Variants in STXBP5L observed in about 807,000 individuals in gnomAD.
STXBP5L encodes the protein syntaxin binding protein 5L, also known as syntaxin-binding protein 5-like.
A neutral mutation model predicts 144.5 loss-of-function variants in STXBP5L; 65 were observed. That is an observed-to-expected ratio of 0.45 (90% CI 0.37 to 0.55). The LOEUF (loss-of-function observed/expected upper bound fraction) is 0.55, where lower values mean the gene tolerates loss of function less well. Among genes scored for constraint, STXBP5L ranks in the 20% least tolerant of loss-of-function variants. STXBP5L has a pLI of 0.00. For synonymous variants in STXBP5L, 505 were observed against 469.6 expected (o/e 1.08, Z -0.97); for missense variants, 1,298 against 1,405.5 (o/e 0.92, Z 1.22).
intron 26 of STXBP5L, 55 bp downstream of exon 26, chr3:121,418,612 T>C (rs1434349828): frequency 5.8e-6 from 9 of 1,538,668 alleles, no homozygotes; most frequent in Non-Finnish European, 8.0e-6. Context: ...TTTAAACATT[T>C]AGGATCTGCA....
At chr3:121,289,140 C>G (rs989897997) in intron 19 of STXBP5L, among the ~76,000 whole-genome samples, 1 of 152,140 alleles carries the variant, frequency 6.6e-6, no homozygotes, top group East Asian at 1.9e-4. Context: ...CTCACATAAA[C>G]TTAAGGTAAA....
In STXBP5L at chr3:121,419,124, A is replaced by G; in HGVS notation, c.*27A>G. On this transcript the variant is annotated 3_prime_UTR_variant, in exon 27 of 27. Transcript: ENST00000471454. ...TTCTAAAGAAGCTGTGACTGCTTTGAGAAACCATATTCAGGGAAACCAAAT... is the reference window on the plus strand; with the variant it reads ...TTCTAAAGAAGCTGTGACTGCTTTGGGAAACCATATTCAGGGAAACCAAAT... 6.2e-7 allele frequency: 1 copy of G among 1,606,756 alleles called. No homozygotes were observed. Among genetic ancestry groups the G allele is most frequent in the Non-Finnish European group, 8.5e-7 (1 of 1,176,924 alleles).
chr3:121,180,107 A>G (rs2047084435), intron 9 of STXBP5L, among the ~76,000 whole-genome samples: 1 of 152,208 alleles, frequency 6.6e-6, no homozygotes, highest in African/African-American at 2.4e-5. Context: ...ATTCATCACA[A>G]AAAAGATCAT....
chr3:121,397,622 AT>A (rs1560055338), intron 22 of STXBP5L, among the ~76,000 whole-genome samples: 1 of 151,984 alleles, frequency 6.6e-6, no homozygotes, highest in Non-Finnish European at 1.5e-5. Flanking sequence ...AAGCTTGCAA[AT>A]TTTTTTCTAG....
intron 3 of STXBP5L, among the ~76,000 whole-genome samples, chr3:121,006,913 A>T (rs908698524): frequency 6.6e-6 from 1 of 152,166 alleles, no homozygotes; most frequent in Non-Finnish European, 1.5e-5. Flanking sequence ...TTCTGCTGAG[A>T]GATCACCTGT....
At chr3:121,192,964 T>C (rs1014965881) in intron 9 of STXBP5L, among the ~76,000 whole-genome samples, 1 of 150,468 alleles carries the variant, frequency 6.6e-6, no homozygotes, top group Non-Finnish European at 1.5e-5. Context: ...AAGCCAAAAT[T>C]GACAAATGGG....
At chr3:120,940,690 G>T (rs1456417958) in intron 2 of STXBP5L, among the ~76,000 whole-genome samples, 2 of 151,404 alleles carry the variant, frequency 1.3e-5, no homozygotes, top group Non-Finnish European at 3.0e-5. Context: ...CTACATGAGA[G>T]ATTGTTCTTT....
Position 121,279,914 on chromosome 3 carries a change from C to T in STXBP5L, c.2068C>T (p.Arg690Ter), listed in dbSNP as rs758895320. 2 of 1,612,276 alleles carry T rather than the reference C, an allele frequency of 1.2e-6. No homozygotes were observed. The highest frequency in any genetic ancestry group is 1.7e-6 in the Non-Finnish European group (2 of 1,178,788). ...DLYRSSDLYQ[R>*]QPRSPRKNKQ... ...ATATAGATCAAGTGACTTATACCAGCGACAACCACGGTCTCCTCGAAAAAA... is the reference window on the plus strand; with the variant it reads ...ATATAGATCAAGTGACTTATACCAGTGACAACCACGGTCTCCTCGAAAAAA... The change falls in exon 19 of 27, where the codon CGA (arginine) becomes TGA (stop). Residue 690 changes from arginine (R) to a stop codon, truncating the protein, a stop_gained. Transcript: ENST00000471454. LOFTEE classifies it high-confidence loss of function.
At chr3:121,107,215 C>G (rs559838161) in intron 5 of STXBP5L, among the ~76,000 whole-genome samples, 56 of 151,838 alleles carry the variant, frequency 3.7e-4, no homozygotes, top group Non-Finnish European at 6.9e-4. Context: ...AGCTCTTTAG[C>G]TTAATTAGAT....
At chr3:121,341,550 AAG>A (rs1180900157) in intron 20 of STXBP5L, among the ~76,000 whole-genome samples, 4 of 151,904 alleles carry the variant, frequency 2.6e-5, no homozygotes, top group Non-Finnish European at 5.9e-5. Flanking sequence ...TTGTATATGG[AAG>A]AGATATCTGC....
At chr3:121,370,493 G>A (rs542601623) in intron 20 of STXBP5L, among the ~76,000 whole-genome samples, 2 of 152,322 alleles carry the variant, frequency 1.3e-5, no homozygotes, top group South Asian at 2.1e-4. Context: ...ACAGCCCGAA[G>A]AACCATGAGT....
chr3:121,238,862 A>G, intron 12 of STXBP5L, 109 bp from the exon 13 acceptor site: 1 of 1,132,178 alleles, frequency 8.8e-7, no homozygotes, highest in Non-Finnish European at 1.2e-6. Context: ...TTAAAAAACA[A>G]GCAAAATTTA....
intron 2 of STXBP5L, among the ~76,000 whole-genome samples, chr3:120,927,503 AG>A (rs1158797042): frequency 2.0e-5 from 3 of 152,238 alleles, no homozygotes; most frequent in Non-Finnish European, 4.4e-5. Flanking sequence ...GGGTAGAGAC[AG>A]GGCTCCTGTT....
chr3:121,282,175 T>C (rs1032703311), intron 19 of STXBP5L: 2 of 1,117,620 alleles, frequency 1.8e-6, no homozygotes, highest in South Asian at 1.4e-5. Flanking sequence ...CTGTTCTAGA[T>C]TCTGGTATGA....
At chr3:121,036,003 A>G (rs1023044932) in intron 3 of STXBP5L, among the ~76,000 whole-genome samples, 2 of 152,110 alleles carry the variant, frequency 1.3e-5, no homozygotes, top group Non-Finnish European at 2.9e-5. Flanking sequence ...CTTAATATAT[A>G]ATTGGTCTTT....
At chr3:121,217,335 G>C (rs1183716846) in intron 10 of STXBP5L, among the ~76,000 whole-genome samples, 1 of 152,150 alleles carries the variant, frequency 6.6e-6, no homozygotes, top group Non-Finnish European at 1.5e-5. Flanking sequence ...GAATCTCCTT[G>C]TCTGCGGGTT....
chr3:120,989,944 G>T (rs1237540313), intron 3 of STXBP5L, among the ~76,000 whole-genome samples: 1 of 152,118 alleles, frequency 6.6e-6, no homozygotes, highest in Non-Finnish European at 1.5e-5. Context: ...CATAGTGTTG[G>T]AAGTTCTGGC....
intron 3 of STXBP5L, among the ~76,000 whole-genome samples, chr3:121,001,480 A>T (rs1282968051): frequency 6.6e-6 from 1 of 152,184 alleles, no homozygotes; most frequent in Non-Finnish European, 1.5e-5. Context: ...GCCTTGGAGG[A>T]TGGGTATCCC....
chr3:121,048,507 A>G (rs1424268885), intron 5 of STXBP5L, among the ~76,000 whole-genome samples: 1 of 152,046 alleles, frequency 6.6e-6, no homozygotes, highest in Non-Finnish European at 1.5e-5. Context: ...TGGTCTCTTT[A>G]CATAATCCTT....
Sources: gnomAD v4.1 joint callset for allele counts (sites outside exome capture counted in the v4.1 genomes callset) on GRCh38, gnomAD v4.1.1 for gene constraint, MANE v1.5 for transcripts, NCBI Gene and HGNC (gene_info 2026-07-23, HGNC 2026-07-21) for gene names.